RAD18: variants seen among roughly 807,000 people sequenced by gnomAD.
RAD18 encodes E3 ubiquitin-protein ligase RAD18.
RAD18 carries 47 observed loss-of-function variants against 60.4 expected under a neutral mutation model. That is an observed-to-expected ratio of 0.78 (90% CI 0.62 to 0.99). The LOEUF (loss-of-function observed/expected upper bound fraction) is 0.99. Among genes scored for constraint, RAD18 ranks in the 50% least tolerant of loss-of-function variants. RAD18 has a pLI of 0.00. For missense variants in RAD18, 640 were observed against 593.3 expected (o/e 1.08, Z -0.82); for synonymous variants, 225 against 195.5 (o/e 1.15, Z -1.26).
chr3:8,888,868 G>A (rs1939630858), intron 12 of RAD18, among the ~76,000 whole-genome samples: 1 of 152,194 alleles, frequency 6.6e-6, no homozygotes, highest in Non-Finnish European at 1.5e-5. Context: ...ATCACTTTAA[G>A]AAGTTATCAT....
intron 9 of RAD18, among the ~76,000 whole-genome samples, chr3:8,904,410 A>G (rs959192071): frequency 6.6e-6 from 1 of 152,208 alleles, no homozygotes; most frequent in African/African-American, 2.4e-5. Flanking sequence ...TTCAGGAAAG[A>G]ATGCTCCTAA....
intron 7 of RAD18, among the ~76,000 whole-genome samples, chr3:8,917,986 A>G (rs1940236820): frequency 1.3e-5 from 2 of 152,308 alleles, no homozygotes; most frequent in Admixed American, 6.5e-5. Flanking sequence ...TATGAGGCGC[A>G]ATAGGCTCCA....
chr3:8,887,655 T>C (rs530175423), intron 12 of RAD18, among the ~76,000 whole-genome samples: 1 of 152,232 alleles, frequency 6.6e-6, no homozygotes, highest in Admixed American at 6.5e-5. Context: ...CAAACACCCT[T>C]AGAGAAAAGG....
chr3:8,912,298 G>C lies in RAD18; in HGVS notation c.1027+14C>G. ...TGAAGCTCTTTACAAATTAAATAAA[G>C]TCGTGCAACTTACGATATTTACTGT... On this transcript the variant is annotated intron_variant, in intron 9 of 12. Coordinates refer to ENST00000264926, the MANE Select transcript of RAD18 (RefSeq NM_020165.4). 6.5e-7 allele frequency: 1 copy of C among 1,531,328 alleles called. No homozygotes were observed. Among genetic ancestry groups the C allele is most frequent in the East Asian group, 2.4e-5 (1 of 42,178 alleles). 94.9% of individuals were successfully genotyped at this position (1,531,328 alleles called of 1,614,324 possible). A position where few individuals can be genotyped will look rare whatever the true frequency, so the allele number is the denominator to read the frequency against.
At chr3:8,962,159 T>C (rs74522977) in intron 1 of RAD18, among the ~76,000 whole-genome samples, 3,416 of 152,318 alleles carry the variant, frequency 0.022, 57 homozygotes, top group Non-Finnish European at 0.032. Context: ...ATCAATCCTA[T>C]GAACTGTTAT....
chr3:8,958,133 G>A (rs561043037), intron 2 of RAD18, among the ~76,000 whole-genome samples: 1 of 152,328 alleles, frequency 6.6e-6, no homozygotes, highest in East Asian at 1.9e-4. Flanking sequence ...AAGGGCATCT[G>A]CAATGCCCGT....
chr3:8,947,334 A>G (rs1214530523), intron 3 of RAD18, 44 bp from the exon 4 acceptor site: 2 of 1,439,816 alleles, frequency 1.4e-6, no homozygotes, highest in African/African-American at 2.8e-5. Flanking sequence ...AAAAACAATA[A>G]TCAACTTGTC....
intron 7 of RAD18, among the ~76,000 whole-genome samples, chr3:8,930,940 A>G (rs1021776415): frequency 6.6e-6 from 1 of 152,198 alleles, no homozygotes; most frequent in Non-Finnish European, 1.5e-5. Flanking sequence ...TCATTTAAAA[A>G]AAAGATTGGA....
intron 9 of RAD18, 100 bp from the exon 10 acceptor site, chr3:8,902,620 G>A: frequency 8.2e-7 from 1 of 1,220,054 alleles, no homozygotes; most frequent in Non-Finnish European, 1.1e-6. Context: ...GGATGGGCAT[G>A]GTGGCTTACG....
chr3:8,904,006 T>C (rs1019843146), intron 9 of RAD18, among the ~76,000 whole-genome samples: 1 of 152,204 alleles, frequency 6.6e-6, no homozygotes, highest in Admixed American at 6.5e-5. Flanking sequence ...ATGGTATAAC[T>C]CTGTATGTTG....
intron 4 of RAD18, among the ~76,000 whole-genome samples, chr3:8,943,563 A>G (rs1052753166): frequency 6.6e-6 from 1 of 152,148 alleles, no homozygotes; most frequent in Non-Finnish European, 1.5e-5. Context: ...TATTGGGCAT[A>G]ATTAAAAGCC....
At chr3:8,895,668 T>C (rs1454560875) in intron 11 of RAD18, among the ~76,000 whole-genome samples, 1 of 152,204 alleles carries the variant, frequency 6.6e-6, no homozygotes, top group Non-Finnish European at 1.5e-5. Flanking sequence ...TTAAAGTAGA[T>C]TGATATATTT....
At chr3:8,930,639 C>T (rs1940537522) in intron 7 of RAD18, among the ~76,000 whole-genome samples, 2 of 152,016 alleles carry the variant, frequency 1.3e-5, no homozygotes, top group Admixed American at 6.5e-5. Context: ...ATATAATAAT[C>T]TCAATAGATG....
intron 7 of RAD18, 109 bp downstream of exon 7, chr3:8,935,762 T>C: frequency 9.5e-7 from 1 of 1,055,008 alleles, no homozygotes; most frequent in Non-Finnish European, 1.3e-6. Context: ...ACGTCTTATC[T>C]ATCAAAAATG....
chr3:8,933,474 C>T (rs1305682313), intron 7 of RAD18, among the ~76,000 whole-genome samples: 3 of 152,078 alleles, frequency 2.0e-5, no homozygotes, highest in Non-Finnish European at 4.4e-5. Context: ...GTAAGTTATA[C>T]ATCAATAAAA....
intron 11 of RAD18, among the ~76,000 whole-genome samples, chr3:8,891,088 A>T (rs1425637711): frequency 6.7e-6 from 1 of 149,928 alleles, no homozygotes; most frequent in Non-Finnish European, 1.5e-5. Context: ...ATATATATAT[A>T]TATATATATC....
intron 7 of RAD18, among the ~76,000 whole-genome samples, chr3:8,917,392 T>C (rs1940222913): frequency 1.3e-5 from 2 of 152,136 alleles, no homozygotes; most frequent in African/African-American, 4.8e-5. Context: ...AAGATAAGTA[T>C]AAAATATACT....
intron 2 of RAD18, among the ~76,000 whole-genome samples, chr3:8,957,469 ACATATATGAGTCTAG>A (rs1440607461): frequency 6.6e-6 from 1 of 152,208 alleles, no homozygotes; most frequent in East Asian, 1.9e-4. Context: ...ACAAGGATAG[ACATATATGAGTCTAG>A]CATATAAGCA....
intron 1 of RAD18, among the ~76,000 whole-genome samples, chr3:8,962,932 G>C (rs1405392557): frequency 6.6e-6 from 1 of 152,186 alleles, no homozygotes; most frequent in East Asian, 1.9e-4. Flanking sequence ...GCTTGGCTAC[G>C]TGATTACATA....
Sources: allele counts gnomAD v4.1 joint callset (sites outside exome capture counted in the v4.1 genomes callset), GRCh38; gene constraint gnomAD v4.1.1; transcripts MANE v1.5; gene names NCBI Gene and HGNC (gene_info 2026-07-23, HGNC 2026-07-21).